The following TM9SF4 variants were observed in gnomAD, a reference collection of about 807,000 sequenced individuals.
The protein encoded by TM9SF4 is dinucleotide oxidase disulfide thiol exchanger 3 superfamily member 4.
TM9SF4 carries 26 observed loss-of-function variants against 90.4 expected under a neutral mutation model. The observed-to-expected ratio is 0.29, with a 90% CI of 0.21 to 0.40. TM9SF4 has a LOEUF of 0.40. Ranked by LOEUF, TM9SF4 falls within the 10% of genes least tolerant of loss-of-function variation. The pLI is 1.00. For missense variants in TM9SF4, 549 were observed against 834.8 expected, an observed-to-expected ratio of 0.66 and a Z score of 4.22; for synonymous variants, 293 against 315.4, an observed-to-expected ratio of 0.93 and a Z score of 0.75.
Position 32,143,024 on chromosome 20 carries a change from C to G in TM9SF4, c.571C>G (p.Arg191Gly). 6.2e-7 allele frequency: 1 copy of G among 1,613,858 alleles called. No homozygotes were observed. The highest frequency in any genetic ancestry group is 2.2e-5 in the East Asian group (1 of 44,862). ...CCTCTCATTCATCCTTTACTATCAT[C>G]GGGAGGACATGGAAGAGGACCAGGA... ...NHLSFILYYH[R>G]EDMEEDQEHT... Residue 191 changes from arginine to glycine, a missense_variant, in exon 6 of 18, where the codon CGG becomes GGG. Around this residue, in one of 2 missense-constraint regions of TM9SF4, gnomAD observed 495 missense variants for 711.7 expected, o/e 0.70. Transcript: ENST00000398022.
At chr20:32,121,813 C>T (rs2046312820) in intron 1 of TM9SF4, among the ~76,000 whole-genome samples, 1 of 150,388 alleles carries the variant, frequency 6.6e-6, no homozygotes. Context: ...CTGGACGGGG[C>T]GGCTGGCCGG....
intron 13 of TM9SF4, 52 bp from the exon 14 acceptor site, chr20:32,157,742 C>T: frequency 6.2e-7 from 1 of 1,601,072 alleles, no homozygotes; most frequent in Admixed American, 1.7e-5. Flanking sequence ...TTGCGCAGCC[C>T]CCATCCCGGG....
intron 6 of TM9SF4, 69 bp from the exon 7 acceptor site, chr20:32,145,022 C>T: frequency 1.3e-6 from 2 of 1,485,590 alleles, no homozygotes; most frequent in Non-Finnish European, 1.9e-6. Context: ...TTGAGGGCAG[C>T]CCCTGGAATA....
At chr20:32,132,982 C>G in intron 1 of TM9SF4, 31 bp from the exon 2 acceptor site, 1 of 1,598,126 alleles carries the variant, frequency 6.3e-7, no homozygotes, top group Non-Finnish European at 8.6e-7. Context: ...CTTCTTCTCC[C>G]CAATCCAACC....
chr20:32,157,218 G>A (rs1363553707), intron 13 of TM9SF4, among the ~76,000 whole-genome samples: 1 of 152,058 alleles, frequency 6.6e-6, no homozygotes, highest in Non-Finnish European at 1.5e-5. Context: ...CTCCCAAACT[G>A]CTGGTATTAC....
chr20:32,121,742 C>G (rs1238266043), intron 1 of TM9SF4, among the ~76,000 whole-genome samples: 3 of 152,028 alleles, frequency 2.0e-5, no homozygotes, highest in Admixed American at 6.5e-5. Context: ...GGGGTGGTGG[C>G]CGGGCAGAGG....
chr20:32,122,876 G>A (rs190761754), intron 1 of TM9SF4, among the ~76,000 whole-genome samples: 2 of 151,946 alleles, frequency 1.3e-5, no homozygotes, highest in Non-Finnish European at 2.9e-5. Context: ...CAGCCTGGGC[G>A]CCATTGAGCA....
At chr20:32,164,168 G>A (rs561950186) in intron 17 of TM9SF4, among the ~76,000 whole-genome samples, 2 of 152,116 alleles carry the variant, frequency 1.3e-5, no homozygotes, top group East Asian at 1.9e-4. Context: ...CTTTTACCAC[G>A]GTTCTGCTCC....
At chr20:32,136,902 T>A (rs1208755193) in intron 3 of TM9SF4, 1 of 471,240 alleles carries the variant, frequency 2.1e-6, no homozygotes, top group Admixed American at 2.3e-5. Flanking sequence ...GAACTGGTTC[T>A]TGAGCAAGCC....
rs2047089021 is a variant in TM9SF4 at position 32,165,614 on chromosome 20, T to A, written c.*170T>A. On this transcript the variant is annotated 3_prime_UTR_variant, in exon 18 of 18. Coordinates refer to ENST00000398022, the MANE Select transcript of TM9SF4 (RefSeq NM_014742.4). Reference sequence around the variant, plus strand: ...GGGGGGCGGGAGGGCCTGTAGATAATCTTGCGTTTTTCGTCATCTTATTCC... The same window carrying A: ...GGGGGGCGGGAGGGCCTGTAGATAAACTTGCGTTTTTCGTCATCTTATTCC... 4.0e-6 allele frequency: 3 copies of A among 753,868 alleles called. No homozygotes were observed. Among genetic ancestry groups the A allele is most frequent in the Non-Finnish European group, 6.3e-6 (3 of 478,706 alleles). The allele number at this position is 753,868 out of a possible 1,614,324, so 46.7% of individuals were successfully genotyped here. A position where few individuals can be genotyped will look rare whatever the true frequency, so the allele number is the denominator to read the frequency against.
At chr20:32,127,777 C>T (rs2046445481) in intron 1 of TM9SF4, among the ~76,000 whole-genome samples, 1 of 152,178 alleles carries the variant, frequency 6.6e-6, no homozygotes, top group Non-Finnish European at 1.5e-5. Flanking sequence ...GGTGGTGTCT[C>T]TCAACTAAAT....
At chr20:32,156,942 CTTT>C (rs71185385) in intron 13 of TM9SF4, among the ~76,000 whole-genome samples, 3 of 103,480 alleles carry the variant, frequency 2.9e-5, no homozygotes, top group Admixed American at 1.1e-4. Context: ...TGGACATTTT[CTTT>C]TTTTTTTTTT....
At chr20:32,120,965 C>T (rs2046296763) in intron 1 of TM9SF4, among the ~76,000 whole-genome samples, 1 of 152,090 alleles carries the variant, frequency 6.6e-6, no homozygotes, top group Non-Finnish European at 1.5e-5. Flanking sequence ...TTAAGCCAAC[C>T]TGGGATAAAC....
intron 3 of TM9SF4, 104 bp from the exon 4 acceptor site, chr20:32,141,393 T>C (rs540850791): frequency 1.8e-5 from 25 of 1,410,904 alleles, no homozygotes; most frequent in Non-Finnish European, 2.2e-5. Flanking sequence ...GCTGAAGTCC[T>C]TGAAAGCCCA....
At chr20:32,130,762 A>G (rs1181540994) in intron 1 of TM9SF4, among the ~76,000 whole-genome samples, 1 of 152,232 alleles carries the variant, frequency 6.6e-6, no homozygotes, top group Non-Finnish European at 1.5e-5. Flanking sequence ...TGGTGATAGC[A>G]GTTGTCCATG....
intron 1 of TM9SF4, among the ~76,000 whole-genome samples, chr20:32,125,116 C>T (rs773005801): frequency 3.9e-5 from 6 of 152,156 alleles, no homozygotes; most frequent in African/African-American, 7.2e-5. Flanking sequence ...CTCACGGTGA[C>T]GGTTGCATAG....
chr20:32,121,974 G>A (rs1408215003), intron 1 of TM9SF4, among the ~76,000 whole-genome samples: 13 of 143,484 alleles, frequency 9.1e-5, no homozygotes, highest in African/African-American at 3.1e-4. Flanking sequence ...CTGGCAGGGC[G>A]GGGGGCTGAC....
chr20:32,110,181 T>G (rs2046120898), intron 1 of TM9SF4: 1 of 560,642 alleles, frequency 1.8e-6, no homozygotes, highest in African/African-American at 2.0e-5. Flanking sequence ...TCCGCAGATG[T>G]GACCTCTCCT....
Position 32,133,075 on chromosome 20 carries a change from G to A in TM9SF4, c.78G>A (p.Val26=). Residue 26 remains valine (V), a synonymous_variant, in exon 2 of 18, where the codon GTG becomes GTA. Coordinates refer to ENST00000398022, the MANE Select transcript of TM9SF4 (RefSeq NM_014742.4). The part of the protein sequence containing the change: ...SLMCETSAFY[V]PGVAPINFHQ... ...TGTGTGAAACAAGCGCCTTCTATGT[G>A]CCTGGGGTCGCGCCTATCAACTTCC... is the stretch of plus-strand genomic sequence containing the variant. 1 of 1,614,144 alleles carries A rather than the reference G, an allele frequency of 6.2e-7. No individual in the cohort carries two copies. Among genetic ancestry groups the A allele is most frequent in the Non-Finnish European group, 8.5e-7 (1 of 1,180,024 alleles).
Sources: gnomAD v4.1 joint callset for allele counts (sites outside exome capture counted in the v4.1 genomes callset) on GRCh38, gnomAD v4.1.1 for gene constraint, gnomAD v4.1.1 regional missense constraint, MANE v1.5 for transcripts, NCBI Gene and HGNC (gene_info 2026-07-23, HGNC 2026-07-21) for gene names.